SRBD1: variants seen among roughly 807,000 people sequenced by gnomAD.
SRBD1 encodes the protein S1 RNA binding domain 1.
A neutral mutation model predicts 115.3 loss-of-function variants in SRBD1; 88 were observed. The ratio of observed to expected loss-of-function variants is 0.76; its 90% CI spans 0.64 to 0.91. The LOEUF (loss-of-function observed/expected upper bound fraction) is 0.91, where lower values mean the gene tolerates loss of function less well. SRBD1 is among the 40% of genes least tolerant of loss of function. The pLI, the probability that SRBD1 is intolerant of heterozygous loss-of-function variation, is 0.00. For missense variants in SRBD1, 1,385 were observed against 1,177.4 expected (o/e 1.18, Z -2.58); for synonymous variants, 509 against 407.7 (o/e 1.25, Z -2.99).
intron 14 of SRBD1, among the ~76,000 whole-genome samples, chr2:45,496,292 T>C (rs1330690231): frequency 1.3e-5 from 2 of 152,152 alleles, no homozygotes; most frequent in East Asian, 3.8e-4. Flanking sequence ...TGCAAATTAT[T>C]CTACTCCATC....
At chr2:45,416,243 T>A (rs1667828113) in intron 18 of SRBD1, among the ~76,000 whole-genome samples, 1 of 148,182 alleles carries the variant, frequency 6.7e-6, no homozygotes. Context: ...ATATCAAAAA[T>A]TAAATGTCAT....
intron 15 of SRBD1, among the ~76,000 whole-genome samples, chr2:45,486,324 T>C (rs1670117544): frequency 6.6e-6 from 1 of 152,222 alleles, no homozygotes; most frequent in Non-Finnish European, 1.5e-5. Flanking sequence ...ATTCTGGATT[T>C]TATTTTTTTA....
Position 45,414,719 on chromosome 2 carries a change from T to TATAGTATGTAC in SRBD1, c.2334-1427_2334-1426insGTACATACTAT, listed in dbSNP as rs1558563298. ...ACATAGTGTGTATATAGTATGTATA[T>TATAGTATGTAC]ACACACACACAGTGTGTATATAGTA... On this transcript the variant is annotated intron_variant, in intron 18 of 20. Coordinates refer to ENST00000263736, the MANE Select transcript of SRBD1 (RefSeq NM_018079.5). Among the ~76,000 whole-genome samples the TATAGTATGTAC allele has an allele frequency of 3.2e-4, 26 of 81,576 alleles. 1 individual carries two copies. The highest frequency in any genetic ancestry group is 1.3e-3 in the South Asian group (4 of 3,134). The allele number at this position is 81,576 out of a possible 152,430, so 53.5% of individuals were successfully genotyped here. A position where few individuals can be genotyped will look rare whatever the true frequency, so the allele number is the denominator to read the frequency against.
intron 14 of SRBD1, among the ~76,000 whole-genome samples, chr2:45,542,585 A>G (rs1226102076): frequency 6.6e-6 from 1 of 152,230 alleles, no homozygotes; most frequent in East Asian, 1.9e-4. Flanking sequence ...ATTCTGATAC[A>G]TTGTTGGTGG....
At chr2:45,436,756 C>T (rs1177928819) in intron 16 of SRBD1, among the ~76,000 whole-genome samples, 1 of 152,148 alleles carries the variant, frequency 6.6e-6, no homozygotes, top group Non-Finnish European at 1.5e-5. Flanking sequence ...CCCTCAAGAC[C>T]TGATGATTAC....
At chr2:45,603,162 C>T (rs751430354) in intron 2 of SRBD1, among the ~76,000 whole-genome samples, 8 of 152,230 alleles carry the variant, frequency 5.3e-5, no homozygotes, top group Non-Finnish European at 1.0e-4. Context: ...ACCAGGATTA[C>T]TGACTAACCC....
Position 45,419,802 on chromosome 2 carries a change from T to C in SRBD1, c.2142A>G (p.Ser714=). Residue 714 remains serine (S), a synonymous_variant, in exon 17 of 21, where the codon TCA becomes TCG. Coordinates refer to ENST00000263736, the MANE Select transcript of SRBD1 (RefSeq NM_018079.5). ...SFVGVDINIC[S]EVLLRHIAGL... ...ATTTGTCTCACCTTAACAAAACTTC[T>C]GAACAGATGTTAATATCCACTCCCA... is the stretch of plus-strand genomic sequence containing the variant. The C allele has an allele frequency of 1.9e-6, 3 of 1,613,762 alleles. No individual in the cohort carries two copies. The highest frequency in any genetic ancestry group is 2.5e-6 in the Non-Finnish European group (3 of 1,179,800).
At chr2:45,467,182 A>T (rs894468721) in intron 16 of SRBD1, among the ~76,000 whole-genome samples, 4 of 152,148 alleles carry the variant, frequency 2.6e-5, no homozygotes, top group Non-Finnish European at 5.9e-5. Flanking sequence ...TAGTCTACTG[A>T]CTGTATTTTC....
intron 12 of SRBD1, among the ~76,000 whole-genome samples, chr2:45,548,379 T>C (rs907672830): frequency 6.6e-6 from 1 of 151,844 alleles, no homozygotes; most frequent in Non-Finnish European, 1.5e-5. Context: ...GGAATTATAT[T>C]AGGAATAAAA....
intron 1 of SRBD1, among the ~76,000 whole-genome samples, chr2:45,609,155 C>G (rs1674367565): frequency 6.6e-6 from 1 of 152,164 alleles, no homozygotes; most frequent in South Asian, 2.1e-4. Context: ...ATGCAATACA[C>G]TGCACATGTT....
rs751179314 is a variant in SRBD1, at chr2:45,599,807, G to C, written c.290C>G (p.Ala97Gly). 2.5e-6 allele frequency: 4 copies of C among 1,613,156 alleles called. No individual in the cohort carries two copies. In the Admixed American group the frequency reaches 6.7e-5, roughly 27 times the overall value. ...LNSSVAIADT[A>G]LEDRKNKLDT... ...CAATTTATTTTTTCTGTCTTCTAAAGCAGTATCAGCAATAGCCACAGAGCT... is the reference window on the plus strand; with the variant it reads ...CAATTTATTTTTTCTGTCTTCTAAACCAGTATCAGCAATAGCCACAGAGCT... The change falls in exon 4 of 21, where the codon GCT becomes GGT. Residue 97 changes from alanine (A) to glycine (G), a missense_variant. Transcript: ENST00000263736.
intron 9 of SRBD1, among the ~76,000 whole-genome samples, chr2:45,566,081 G>C (rs980391213): frequency 6.6e-6 from 1 of 152,340 alleles, no homozygotes; most frequent in South Asian, 2.1e-4. Context: ...GAGGGATGTA[G>C]AGAAATCGGA....
chr2:45,436,847 A>G (rs1030401620), intron 16 of SRBD1, among the ~76,000 whole-genome samples: 3 of 152,224 alleles, frequency 2.0e-5, no homozygotes, highest in East Asian at 1.9e-4. Flanking sequence ...TTCACAGATA[A>G]TATGATCGTC....
At chr2:45,513,636 G>A (rs1408617644) in intron 14 of SRBD1, among the ~76,000 whole-genome samples, 1 of 151,956 alleles carries the variant, frequency 6.6e-6, no homozygotes, top group Non-Finnish European at 1.5e-5. Flanking sequence ...GAGCCCTCAG[G>A]TCCCTTCAAG....
intron 14 of SRBD1, among the ~76,000 whole-genome samples, chr2:45,545,045 C>T (rs897079585): frequency 5.9e-5 from 9 of 151,978 alleles, no homozygotes; most frequent in Non-Finnish European, 1.2e-4. Context: ...CTTTGGGAGG[C>T]TGAGGCAGGC....
intron 14 of SRBD1, among the ~76,000 whole-genome samples, chr2:45,527,303 A>C (rs1353014326): frequency 6.6e-6 from 1 of 151,890 alleles, no homozygotes; most frequent in Admixed American, 6.6e-5. Context: ...CCCAGTCATA[A>C]ATGAATTTCC....
At chr2:45,574,331 G>A (rs943792020) in intron 8 of SRBD1, among the ~76,000 whole-genome samples, 8 of 152,244 alleles carry the variant, frequency 5.3e-5, no homozygotes, top group East Asian at 1.9e-4. Context: ...ATCTCTCTTC[G>A]TATATATTGT....
At chr2:45,548,292 T>C (rs1003145865) in intron 12 of SRBD1, among the ~76,000 whole-genome samples, 4 of 151,662 alleles carry the variant, frequency 2.6e-5, no homozygotes, top group Admixed American at 6.6e-5. Flanking sequence ...CAAAGTGTAG[T>C]TACAAATCAC....
intron 2 of SRBD1, among the ~76,000 whole-genome samples, chr2:45,604,771 GCTCT>G (rs1423527494): frequency 2.0e-5 from 3 of 152,026 alleles, no homozygotes; most frequent in African/African-American, 4.8e-5. Flanking sequence ...CACTCACTAT[GCTCT>G]CTATCCCCTG....
Sources: allele counts gnomAD v4.1 joint callset (sites outside exome capture counted in the v4.1 genomes callset), GRCh38; gene constraint gnomAD v4.1.1; transcripts MANE v1.5; gene names NCBI Gene and HGNC (gene_info 2026-07-23, HGNC 2026-07-21).